The following SCIN variants were observed in gnomAD, a reference collection of about 807,000 sequenced individuals.
SCIN encodes the protein adseverin.
In SCIN, 91 loss-of-function variants were observed where a neutral mutation model predicts 91.8. The observed-to-expected ratio is 0.99, with a 90% CI of 0.84 to 1.18. SCIN has a LOEUF of 1.18. Among genes scored for constraint, SCIN ranks in the 50% most tolerant of loss-of-function variants. The pLI is 0.00. For missense variants in SCIN, 1,087 were observed against 863.9 expected (o/e 1.26, Z -3.24); for synonymous variants, 367 against 312.6 (o/e 1.17, Z -1.84).
intron 9 of SCIN, among the ~76,000 whole-genome samples, chr7:12,633,128 G>C (rs1401217682): frequency 6.6e-6 from 1 of 152,004 alleles, no homozygotes; most frequent in African/African-American, 2.4e-5. Context: ...TTCAATACAG[G>C]GACATAAACA....
chr7:12,604,880 C>T (rs899408964), intron 4 of SCIN, among the ~76,000 whole-genome samples: 3 of 152,036 alleles, frequency 2.0e-5, no homozygotes, highest in East Asian at 1.9e-4. Flanking sequence ...TTTCTCTTAC[C>T]GTTGGTGTCA....
intron 13 of SCIN, among the ~76,000 whole-genome samples, chr7:12,646,137 A>T (rs1297148676): frequency 6.6e-6 from 1 of 152,246 alleles, no homozygotes; most frequent in Non-Finnish European, 1.5e-5. Context: ...TTTCATAGTC[A>T]TTTACAAGCT....
At position 12,604,581 on chromosome 7, in the gene SCIN, C is replaced by A; in HGVS notation, c.584C>A (p.Thr195Asn). The A allele has an allele frequency of 6.4e-7, 1 of 1,551,976 alleles. No homozygotes were observed. Among genetic ancestry groups the A allele is most frequent in the Non-Finnish European group, 8.7e-7 (1 of 1,147,026 alleles). ...CGTCTGAAGGCAAACCAGGTAGCTACTGGCATTCGGTACAATGAAAGGAAA... is the reference window on the plus strand; with the variant it reads ...CGTCTGAAGGCAAACCAGGTAGCTAATGGCATTCGGTACAATGAAAGGAAA... ...YERLKANQVATGIRYNERKGR... is the reference protein window; with the variant it reads ...YERLKANQVANGIRYNERKGR... Residue 195 changes from threonine (T) to asparagine (N), a missense_variant, in exon 4 of 16, where the codon ACT (threonine) becomes AAT (asparagine). By Grantham distance (65) the Thr-to-Asn change is moderately conservative. Coordinates refer to ENST00000297029, the MANE Select transcript of SCIN (RefSeq NM_001112706.3).
chr7:12,655,282 C>A lies in SCIN; in HGVS notation c.*2567C>A, dbSNP rs1027111081. 3 of 151,920 alleles carry A rather than the reference C, an allele frequency of 2.0e-5. No individual in the cohort carries two copies. The highest frequency in any genetic ancestry group is 4.8e-5 in the African/African-American group (2 of 41,330). 9.4% of individuals were successfully genotyped at this position (151,920 alleles called of 1,614,324 possible). Reference sequence around the variant, plus strand: ...TAGTTTTGATCCGCAGATGTAGAACCCACAGATATGATAAATCAACTGTAT... The same window carrying A: ...TAGTTTTGATCCGCAGATGTAGAACACACAGATATGATAAATCAACTGTAT... On this transcript the variant is annotated 3_prime_UTR_variant, in exon 16 of 16. Transcript: ENST00000297029.
chr7:12,598,221 CT>C (rs545724827), intron 3 of SCIN, among the ~76,000 whole-genome samples: 27 of 152,006 alleles, frequency 1.8e-4, no homozygotes, highest in Admixed American at 3.3e-4. Flanking sequence ...TTTATTCAGA[CT>C]TTTTTTAACT....
At chr7:12,599,515 G>A (rs748031402) in intron 3 of SCIN, among the ~76,000 whole-genome samples, 5 of 151,828 alleles carry the variant, frequency 3.3e-5, no homozygotes, top group Non-Finnish European at 7.4e-5. Context: ...TAATGACTTC[G>A]TTTCTTCTGG....
At position 12,652,677 on chromosome 7, in the gene SCIN, A is replaced by T. The variant is rs1784106884; in HGVS notation, c.2110A>T (p.Thr704Ser). 1 of 1,607,496 alleles carries T rather than the reference A, an allele frequency of 6.2e-7. No individual in the cohort carries two copies. The change falls in exon 16 of 16, where the codon ACA becomes TCA. Residue 704 changes from threonine (T) to serine (S), a missense_variant. Physicochemically the swap from Thr to Ser is moderately conservative, Grantham distance 58. Transcript: ENST00000297029. ...IKQGHEPPTF[T>S]GWFLGWDSSK... ...ACAGGGCCATGAGCCACCCACATTC[A>T]CAGGCTGGTTCCTGGGCTGGGATTC...
intron 3 of SCIN, among the ~76,000 whole-genome samples, chr7:12,599,801 G>C (rs1440565589): frequency 2.0e-5 from 3 of 151,944 alleles, no homozygotes; most frequent in African/African-American, 7.3e-5. Flanking sequence ...ATGTTTGTTG[G>C]CCATTTATGT....
intron 4 of SCIN, among the ~76,000 whole-genome samples, chr7:12,618,658 G>C (rs886137310): frequency 1.3e-5 from 2 of 151,974 alleles, no homozygotes; most frequent in Non-Finnish European, 1.5e-5. Flanking sequence ...TCAAATATTT[G>C]TCTTACCTAA....
intron 1 of SCIN, among the ~76,000 whole-genome samples, chr7:12,576,363 T>C (rs1039690798): frequency 8.5e-6 from 1 of 117,392 alleles, no homozygotes; most frequent in Non-Finnish European, 1.9e-5. Flanking sequence ...GAGTTGTTTT[T>C]TTTTGTTGTT....
chr7:12,587,717 T>C (rs575711093), intron 3 of SCIN, among the ~76,000 whole-genome samples: 1 of 152,202 alleles, frequency 6.6e-6, no homozygotes, highest in Non-Finnish European at 1.5e-5. Context: ...CTTAGGCTCA[T>C]GGAGGGGTGT....
chr7:12,648,535 T>C (rs1784012706), intron 13 of SCIN, among the ~76,000 whole-genome samples: 1 of 152,180 alleles, frequency 6.6e-6, no homozygotes, highest in African/African-American at 2.4e-5. Context: ...GACCTCGTGA[T>C]CCACCCAACT....
In SCIN at chr7:12,652,941, A is replaced by C. The variant is rs1218218108; in HGVS notation, c.*226A>C. ...AACATGGCGAAACCTCGCCTCTACT[A>C]AAAATACAAAAAAATTAGCTGCGCG... On this transcript the variant is annotated 3_prime_UTR_variant, in exon 16 of 16. Coordinates refer to ENST00000297029, the MANE Select transcript of SCIN (RefSeq NM_001112706.3). 1 of 404,556 alleles carries C rather than the reference A, an allele frequency of 2.5e-6. No homozygotes were observed. Among genetic ancestry groups the C allele is most frequent in the East Asian group, 6.1e-5 (1 of 16,274 alleles). 25.1% of individuals were successfully genotyped at this position (404,556 alleles called of 1,614,324 possible). A position where few individuals can be genotyped will look rare whatever the true frequency, so the allele number is the denominator to read the frequency against.
intron 3 of SCIN, among the ~76,000 whole-genome samples, chr7:12,596,818 A>G (rs1782853126): frequency 6.6e-6 from 1 of 152,144 alleles, no homozygotes. Context: ...ACTACCAGCA[A>G]CCAAGCTAGA....
Position 12,652,982 on chromosome 7 carries a change from G to C in SCIN, c.*267G>C, listed in dbSNP as rs1475014374. ...TAGCTGCGCGTGGTGGTGCACGCCTGTAGTCCCTGCTACTTGGAAGGCTGA... is the reference window on the plus strand; with the variant it reads ...TAGCTGCGCGTGGTGGTGCACGCCTCTAGTCCCTGCTACTTGGAAGGCTGA... On this transcript the variant is annotated 3_prime_UTR_variant, in exon 16 of 16. Transcript: ENST00000297029. 1 of 265,562 alleles carries C rather than the reference G, an allele frequency of 3.8e-6. No individual in the cohort carries two copies. The highest frequency in any genetic ancestry group is 7.1e-6 in the Non-Finnish European group (1 of 141,036). 16.5% of individuals were successfully genotyped at this position (265,562 alleles called of 1,614,324 possible). A position where few individuals can be genotyped will look rare whatever the true frequency, so the allele number is the denominator to read the frequency against.
intron 3 of SCIN, among the ~76,000 whole-genome samples, chr7:12,585,112 A>C (rs1324176603): frequency 6.6e-6 from 1 of 152,136 alleles, no homozygotes; most frequent in African/African-American, 2.4e-5. Flanking sequence ...CTTTGAAAAA[A>C]CAGTCTCCAC....
rs758107517 is a variant in SCIN, at chr7:12,659,636, G to C, written c.*6921G>C. ...ATTTAACCCAGAGACAGATATCACA[G>C]GTAAACAGTGCAAATCACTGTCCCT... is the stretch of plus-strand genomic sequence containing the variant. On this transcript the variant is annotated 3_prime_UTR_variant, in exon 16 of 16. Coordinates refer to ENST00000297029, the MANE Select transcript of SCIN (RefSeq NM_001112706.3). The C allele has an allele frequency of 2.6e-5, 4 of 152,656 alleles. No homozygotes were observed. The highest frequency in any genetic ancestry group is 5.9e-5 in the Non-Finnish European group (4 of 68,356). 9.5% of individuals were successfully genotyped at this position (152,656 alleles called of 1,614,324 possible). A position where few individuals can be genotyped will look rare whatever the true frequency, so the allele number is the denominator to read the frequency against.
At chr7:12,643,456 A>G (rs1197812509) in intron 11 of SCIN, among the ~76,000 whole-genome samples, 1 of 152,152 alleles carries the variant, frequency 6.6e-6, no homozygotes, top group Non-Finnish European at 1.5e-5. Flanking sequence ...ATCACATCTG[A>G]TAGATTCCTT....
chr7:12,645,440 C>T (rs1220222887), intron 13 of SCIN, among the ~76,000 whole-genome samples: 2 of 152,170 alleles, frequency 1.3e-5, no homozygotes, highest in South Asian at 2.1e-4. Context: ...ATCTCAGTTT[C>T]AGCCTGCCTA....
Sources: allele counts gnomAD v4.1 joint callset (sites outside exome capture counted in the v4.1 genomes callset), GRCh38; gene constraint gnomAD v4.1.1; transcripts MANE v1.5; gene names NCBI Gene and HGNC (gene_info 2026-07-23, HGNC 2026-07-21).